Variants in SOSTDC1 observed in about 807,000 individuals in gnomAD.
The protein encoded by SOSTDC1 is sclerostin domain-containing protein 1.
In SOSTDC1, 7 loss-of-function variants were observed where a neutral mutation model predicts 15.1. That is an observed-to-expected ratio of 0.46 (90% CI 0.26 to 0.87). The LOEUF (loss-of-function observed/expected upper bound fraction) is 0.87. Among genes scored for constraint, SOSTDC1 ranks in the 40% least tolerant of loss-of-function variants. The pLI is 0.15. For missense variants in SOSTDC1, 242 were observed against 259.2 expected (o/e 0.93, Z 0.46); for synonymous variants, 94 against 93.2 (o/e 1.01, Z -0.05).
Position 16,462,788 on chromosome 7 carries a change from G to A in SOSTDC1, c.381C>T (p.Ser127=), listed in dbSNP as rs754848341. Reference sequence around the variant, plus strand: ...CATTGACACACCGCCACTCCTGGGAGCTCCTCCTGCTCCAGTACTTTGTTC... The same window carrying A: ...CATTGACACACCGCCACTCCTGGGAACTCCTCCTGCTCCAGTACTTTGTTC... ...GYGTKYWSRR[S]SQEWRCVNDK... Residue 127 remains serine, a synonymous_variant, in exon 2 of 2, where the codon AGC becomes AGT. Transcript: ENST00000307068. 6.2e-7 allele frequency: 1 copy of A among 1,614,196 alleles called. No individual in the cohort carries two copies. The highest frequency in any genetic ancestry group is 8.5e-7 in the Non-Finnish European group (1 of 1,180,036).
rs1294820332 is a variant in SOSTDC1, at chr7:16,465,682, T to A, written c.-14A>T. ...AGGAGGAAGCATGGTGAGTAGAGGATTTGCTTGACTGAAGAGCTGGTTAAT... is the reference window on the plus strand; with the variant it reads ...AGGAGGAAGCATGGTGAGTAGAGGAATTGCTTGACTGAAGAGCTGGTTAAT... On this transcript the variant is annotated 5_prime_UTR_variant, in exon 1 of 2. Coordinates refer to ENST00000307068, the MANE Select transcript of SOSTDC1 (RefSeq NM_015464.3). 1 of 1,610,130 alleles carries A rather than the reference T, an allele frequency of 6.2e-7. No homozygotes were observed. Among genetic ancestry groups the A allele is most frequent in the Admixed American group, 1.7e-5 (1 of 59,956 alleles).
chr7:16,463,050 G>A, intron 1 of SOSTDC1, 87 bp from the exon 2 acceptor site: 1 of 1,333,698 alleles, frequency 7.5e-7, no homozygotes. Context: ...AAAAATAATA[G>A]GCAAATGATA....
intron 1 of SOSTDC1, among the ~76,000 whole-genome samples, chr7:16,464,099 C>A (rs17619858): frequency 0.2 from 31,107 of 152,000 alleles, 3,614 homozygotes; most frequent in South Asian, 0.27. Context: ...CTGAAAGATA[C>A]GTCGAAGTAG....
In SOSTDC1 at chr7:16,462,642, C is replaced by T; in HGVS notation, c.527G>A (p.Ser176Asn). 6.2e-7 allele frequency: 1 copy of T among 1,614,204 alleles called. No individual in the cohort carries two copies. The highest frequency in any genetic ancestry group is 1.3e-5 in the African/African-American group (1 of 75,048). ...AGGTGACATGCTCTCAAAGTTGTGACTGGACTCGTTGTGCTGCCGGGTGTA... is the reference window on the plus strand; with the variant it reads ...AGGTGACATGCTCTCAAAGTTGTGATTGGACTCGTTGTGCTGCCGGGTGTA... ...KRYTRQHNES[S>N]HNFESMSPAK... Residue 176 changes from serine (S) to asparagine (N), a missense_variant, in exon 2 of 2, where the codon AGT (serine) becomes AAT (asparagine). Ser to Asn is a conservative substitution (Grantham distance 46). Coordinates refer to ENST00000307068, the MANE Select transcript of SOSTDC1 (RefSeq NM_015464.3).
In SOSTDC1 at chr7:16,465,469, C is replaced by T. The variant is rs762912136; in HGVS notation, c.200G>A (p.Arg67Gln). The T allele has an allele frequency of 9.3e-6, 15 of 1,613,058 alleles. No individual in the cohort carries two copies. The highest frequency in any genetic ancestry group is 3.3e-5 in the South Asian group (3 of 91,050). Residue 67 changes from arginine to glutamine, a missense_variant, in exon 1 of 2, where the codon CGG (arginine) becomes CAG (glutamine). Arg to Gln is a conservative substitution (Grantham distance 43). Transcript: ENST00000307068. ...GRHFSNTGLD[R>Q]NTRVQVGCRE... ...TACAAGTAAAACACACTTACTGTTC[C>T]GATCCAGTCCAGTGTTACTGAAATG...
chr7:16,462,264 T>A lies in SOSTDC1; in HGVS notation c.*284A>T, dbSNP rs1024857505. 8.8e-6 allele frequency: 3 copies of A among 342,432 alleles called. No individual in the cohort carries two copies. The East Asian group carries it at 1.6e-4, about 18-fold the overall frequency. The allele number at this position is 342,432 out of a possible 1,614,324, so 21.2% of individuals were successfully genotyped here. A position where few individuals can be genotyped will look rare whatever the true frequency, so the allele number is the denominator to read the frequency against. ...AAATATAATGATTCACTGATGTTTA[T>A]AGTATCAACAGTCTTTTAAGAACAA... On this transcript the variant is annotated 3_prime_UTR_variant, in exon 2 of 2. Transcript: ENST00000307068.
In SOSTDC1 at chr7:16,462,711, C is replaced by T. The variant is rs770948074; in HGVS notation, c.458G>A (p.Arg153His). The change falls in exon 2 of 2, where the codon CGC becomes CAC. Residue 153 changes from arginine to histidine, a missense_variant. By Grantham distance (29) the Arg-to-His change is conservative. Transcript: ENST00000307068. ...AGTGACTACTGTGATTTTGTAGGTG[C>T]GTGTGCTGCCATCTTGGCACTGCAG... The part of the protein sequence containing the change: ...IQLQCQDGST[R>H]TYKITVVTAC... 7.4e-6 allele frequency: 12 copies of T among 1,614,042 alleles called. No homozygotes were observed. The highest frequency in any genetic ancestry group is 4.5e-5 in the East Asian group (2 of 44,886).
intron 1 of SOSTDC1, among the ~76,000 whole-genome samples, chr7:16,463,853 G>A (rs1283837846): frequency 1.6e-4 from 24 of 152,066 alleles, no homozygotes; most frequent in Non-Finnish European, 7.3e-5. Flanking sequence ...TTCTCTAATT[G>A]GCTGTTTCTT....
chr7:16,462,518 C>A lies in SOSTDC1; in HGVS notation c.*30G>T, dbSNP rs370938943. The A allele has an allele frequency of 2.5e-6, 4 of 1,603,492 alleles. No homozygotes were observed. Among genetic ancestry groups the A allele is most frequent in the Non-Finnish European group, 3.4e-6 (4 of 1,171,984 alleles). On this transcript the variant is annotated 3_prime_UTR_variant, in exon 2 of 2. Coordinates refer to ENST00000307068, the MANE Select transcript of SOSTDC1 (RefSeq NM_015464.3). The stretch of plus-strand genomic sequence containing the variant: ...ATCAAATCTGTAAAGCAGATGGTTA[C>A]TAGTAAGTCTAGTTATGGGAGTCTG...
intron 1 of SOSTDC1, among the ~76,000 whole-genome samples, chr7:16,463,180 G>GA (rs957468472): frequency 2.0e-5 from 3 of 151,728 alleles, no homozygotes; most frequent in Non-Finnish European, 4.4e-5. Context: ...ACTTTTTTGG[G>GA]AAAAAAAATG....
In SOSTDC1 at chr7:16,465,540, G is replaced by A. The variant is rs149220410; in HGVS notation, c.129C>T (p.His43=). 5 of 1,614,162 alleles carry A rather than the reference G, an allele frequency of 3.1e-6. No individual in the cohort carries two copies. In the Admixed American group the frequency reaches 6.7e-5, roughly 22 times the overall value. ...YSHVVKPVPA[H]PSSNSTLNQA... Reference sequence around the variant, plus strand: ...GATTCAACGTGCTGTTGCTGCTGGGGTGTGCTGGAACAGGTTTAACCACAT... The same window carrying A: ...GATTCAACGTGCTGTTGCTGCTGGGATGTGCTGGAACAGGTTTAACCACAT... Residue 43 remains histidine, a synonymous_variant, in exon 1 of 2, where the codon CAC becomes CAT. Coordinates refer to ENST00000307068, the MANE Select transcript of SOSTDC1 (RefSeq NM_015464.3).
chr7:16,464,085 A>G (rs987766420), intron 1 of SOSTDC1, among the ~76,000 whole-genome samples: 3 of 152,236 alleles, frequency 2.0e-5, no homozygotes, highest in Non-Finnish European at 4.4e-5. Flanking sequence ...TTCCACAAAA[A>G]GTACTGAAAG....
At position 16,462,556 on chromosome 7, in the gene SOSTDC1, T is replaced by C. The variant is rs748429347; in HGVS notation, c.613A>G (p.Met205Val). 6.2e-7 allele frequency: 1 copy of C among 1,614,092 alleles called. No individual in the cohort carries two copies. Among genetic ancestry groups the C allele is most frequent in the Non-Finnish European group, 8.5e-7 (1 of 1,179,954 alleles). The stretch of plus-strand genomic sequence containing the variant: ...TTATGGGAGTCTGAGTTCTAACTCA[T>C]GCTGTGCTTGCTGGATTTGCTGGCT... ...KRASKSSKHS[M>V]S The change falls in exon 2 of 2, where the codon ATG (methionine) becomes GTG (valine). Residue 205 changes from methionine (M) to valine (V), a missense_variant. Coordinates refer to ENST00000307068, the MANE Select transcript of SOSTDC1 (RefSeq NM_015464.3).
rs769255445 is a variant in SOSTDC1, at chr7:16,465,525, G to A, written c.144C>T (p.Ser48=). ...CTCCATTTCTGGCTTGATTCAACGTGCTGTTGCTGCTGGGGTGTGCTGGAA... is the reference window on the plus strand; with the variant it reads ...CTCCATTTCTGGCTTGATTCAACGTACTGTTGCTGCTGGGGTGTGCTGGAA... ...KPVPAHPSSN[S]TLNQARNGGR... Residue 48 remains serine (S), a synonymous_variant, in exon 1 of 2, where the codon AGC becomes AGT. Coordinates refer to ENST00000307068, the MANE Select transcript of SOSTDC1 (RefSeq NM_015464.3). 3 of 1,614,010 alleles carry A rather than the reference G, an allele frequency of 1.9e-6. No homozygotes were observed. Among genetic ancestry groups the A allele is most frequent in the East Asian group, 4.5e-5 (2 of 44,890 alleles).
rs150587088 is a variant in SOSTDC1 at position 16,462,650 on chromosome 7, G to A, written c.519C>T (p.Asn173=). Residue 173 remains asparagine (N), a synonymous_variant, in exon 2 of 2, where the codon AAC becomes AAT. Coordinates refer to ENST00000307068, the MANE Select transcript of SOSTDC1 (RefSeq NM_015464.3). ...TGCTCTCAAAGTTGTGACTGGACTC[G>A]TTGTGCTGCCGGGTGTACCTCTTGC... ...CKCKRYTRQH[N]ESSHNFESMS... is the part of the protein sequence containing the mutation. 23 of 1,614,048 alleles carry A rather than the reference G, an allele frequency of 1.4e-5. No individual in the cohort carries two copies. Among genetic ancestry groups the A allele is most frequent in the Non-Finnish European group, 1.8e-5 (21 of 1,180,034 alleles).
At chr7:16,463,238 G>C (rs879810291) in intron 1 of SOSTDC1, among the ~76,000 whole-genome samples, 1 of 152,118 alleles carries the variant, frequency 6.6e-6, no homozygotes, top group Admixed American at 6.5e-5. Context: ...GCTTATTAGA[G>C]TGTTTGAAAA....
rs759422466 is a variant in SOSTDC1, at chr7:16,462,927, G to C, written c.242C>G (p.Thr81Ser). ...VQVGCRELRS[T>S]KYISDGQCTS... is the part of the protein sequence containing the mutation. ...GCACTGGCCATCAGAGATGTATTTG[G>C]TGGAACGCAGTTCCCGGCAACCCAC... Residue 81 changes from threonine (T) to serine (S), a missense_variant, in exon 2 of 2, where the codon ACC becomes AGC. Transcript: ENST00000307068. 2.5e-6 allele frequency: 4 copies of C among 1,590,664 alleles called. No homozygotes were observed. The South Asian group carries it at 4.5e-5, about 18-fold the overall frequency.
At position 16,462,563 on chromosome 7, in the gene SOSTDC1, CTTGCTGGAT is replaced by C; in HGVS notation, c.597_605del (p.Ser200_Lys202del). ...AGTCTGAGTTCTAACTCATGCTGTGCTTGCTGGATTTGCTGGCTCTTTTCCGCTCTCTGT... is the reference window on the plus strand; with the variant it reads ...AGTCTGAGTTCTAACTCATGCTGTGCTTGCTGGCTCTTTTCCGCTCTCTGT... On this transcript the variant is annotated inframe_deletion, in exon 2 of 2. Transcript: ENST00000307068. 5 of 1,614,070 alleles carry C rather than the reference CTTGCTGGAT, an allele frequency of 3.1e-6. No individual in the cohort carries two copies. The highest frequency in any genetic ancestry group is 4.2e-6 in the Non-Finnish European group (5 of 1,179,984).
chr7:16,465,067 A>G (rs1781280729), intron 1 of SOSTDC1, among the ~76,000 whole-genome samples: 1 of 152,178 alleles, frequency 6.6e-6, no homozygotes, highest in Non-Finnish European at 1.5e-5. Context: ...AATAATATAT[A>G]TTAGTTACGT....
Sources: gnomAD v4.1 joint callset for allele counts (sites outside exome capture counted in the v4.1 genomes callset) on GRCh38, gnomAD v4.1.1 for gene constraint, MANE v1.5 for transcripts, NCBI Gene and HGNC (gene_info 2026-07-23, HGNC 2026-07-21) for gene names.